Variants in P2RY12 observed in about 807,000 individuals in gnomAD.
The protein encoded by P2RY12 is P2Y purinoceptor 12.
Under a neutral mutation model 4.5 loss-of-function variants are expected in P2RY12, and 3 were observed. The ratio of observed to expected loss-of-function variants is 0.67; its 90% CI spans 0.31 to 1.74. P2RY12 has a LOEUF of 1.74. P2RY12 is among the 40% of genes most tolerant of loss of function. P2RY12 has a pLI of 0.09. For synonymous variants in P2RY12, 148 were observed against 154.1 expected (o/e 0.96, Z 0.29); for missense variants, 356 against 407.8 (o/e 0.87, Z 1.09).
At position 151,338,548 on chromosome 3, in the gene P2RY12, T is replaced by C. The variant is rs752345228; in HGVS notation, c.298A>G (p.Thr100Ala). The part of the protein sequence containing the change: ...GPLRTFVCQV[T>A]SVIFYFTMYI... ...ATTGTGAAATAAAATATGACGGAGG[T>C]AACTTGACACACAAAAGTTCTCAGT... Residue 100 changes from threonine (T) to alanine (A), a missense_variant, in exon 3 of 3, where the codon ACC becomes GCC. By Grantham distance (58) the Thr-to-Ala change is moderately conservative. Coordinates refer to ENST00000302632, the MANE Select transcript of P2RY12 (RefSeq NM_022788.5). 6.2e-7 allele frequency: 1 copy of C among 1,613,968 alleles called. No homozygotes were observed. Among genetic ancestry groups the C allele is most frequent in the Non-Finnish European group, 8.5e-7 (1 of 1,179,972 alleles).
intron 1 of P2RY12, 60 bp from the exon 2 acceptor site, chr3:151,340,820 A>T (rs1751717294): frequency 6.6e-6 from 1 of 152,574 alleles, no homozygotes; most frequent in African/African-American, 2.4e-5. Flanking sequence ...GTCTTCAAAC[A>T]CTGGACTCAA....
At chr3:151,378,569 C>A (rs1711640577) in intron 1 of P2RY12, among the ~76,000 whole-genome samples, 1 of 151,892 alleles carries the variant, frequency 6.6e-6, no homozygotes, top group Admixed American at 6.6e-5. Context: ...GGTGTCTGAA[C>A]TAGTTGCTCA....
chr3:151,368,747 T>G (rs535228149), intron 1 of P2RY12, among the ~76,000 whole-genome samples: 8 of 134,036 alleles, frequency 6.0e-5, no homozygotes, highest in East Asian at 4.5e-4. Context: ...TTCATTTCAT[T>G]TCATGTCATT....
chr3:151,341,874 A>G (rs987197577), intron 1 of P2RY12, among the ~76,000 whole-genome samples: 2 of 151,992 alleles, frequency 1.3e-5, no homozygotes, highest in African/African-American at 4.8e-5. Context: ...GATGATTTCT[A>G]ATTTCATCCA....
At chr3:151,355,855 A>G in intron 1 of P2RY12, 2 of 1,528,642 alleles carry the variant, frequency 1.3e-6, no homozygotes, top group Non-Finnish European at 1.8e-6. Flanking sequence ...AAGATTATTT[A>G]GAATATTGGT....
At position 151,337,189 on chromosome 3, in the gene P2RY12, T is replaced by C. The variant is rs1262369173; in HGVS notation, c.*628A>G. On this transcript the variant is annotated 3_prime_UTR_variant, in exon 3 of 3. Coordinates refer to ENST00000302632, the MANE Select transcript of P2RY12 (RefSeq NM_022788.5). ...TGACTTCGATATTTCTTCTCTTTAT[T>C]GTAAAGGTCTTCTTTAAATCTTTAT... 6 of 152,184 alleles carry C rather than the reference T, an allele frequency of 3.9e-5. No homozygotes were observed. Among genetic ancestry groups the C allele is most frequent in the Non-Finnish European group, 8.8e-5 (6 of 68,046 alleles). The allele number at this position is 152,184 out of a possible 1,614,324, so 9.4% of individuals were successfully genotyped here. A position where few individuals can be genotyped will look rare whatever the true frequency, so the allele number is the denominator to read the frequency against.
At chr3:151,369,414 T>TA (rs766233345) in intron 1 of P2RY12, 1 of 1,501,616 alleles carries the variant, frequency 6.7e-7, no homozygotes, top group East Asian at 2.3e-5. Flanking sequence ...ATGAGACTAT[T>TA]AAAGATTTGT....
chr3:151,355,924 C>G (rs142400505), intron 1 of P2RY12: 3 of 1,613,718 alleles, frequency 1.9e-6, no homozygotes, highest in Non-Finnish European at 2.5e-6. Flanking sequence ...GAACAAATCA[C>G]AAGCTTTGCG....
rs919151895 is a variant in P2RY12 at position 151,337,568 on chromosome 3, A to G, written c.*249T>C. 62 of 440,616 alleles carry G rather than the reference A, an allele frequency of 1.4e-4. 1 individual carries two copies. The highest frequency in any genetic ancestry group is 9.0e-4 in the African/African-American group (45 of 50,116). The allele number at this position is 440,616 out of a possible 1,614,324, so 27.3% of individuals were successfully genotyped here. On this transcript the variant is annotated 3_prime_UTR_variant, in exon 3 of 3. Coordinates refer to ENST00000302632, the MANE Select transcript of P2RY12 (RefSeq NM_022788.5). ...AAACATGAATTCTGTGTAGTTTTGC[A>G]TGCAGCATGACAATTGGATGTCGTT...
chr3:151,375,970 C>CATATATATATGTATAT, intron 1 of P2RY12: 1 of 811,842 alleles, frequency 1.2e-6, no homozygotes, highest in Non-Finnish European at 1.8e-6. Flanking sequence ...GTACATATTG[C>CATATATATATGTATAT]ATATATATAT....
chr3:151,346,147 C>T (rs1172262753), intron 1 of P2RY12, among the ~76,000 whole-genome samples: 9 of 152,152 alleles, frequency 5.9e-5, no homozygotes, highest in Admixed American at 2.0e-4. Flanking sequence ...GTCTTCTTCA[C>T]CTCAAAATGT....
chr3:151,376,909 A>G (rs1490750474), intron 1 of P2RY12: 21 of 1,612,408 alleles, frequency 1.3e-5, no homozygotes, highest in Admixed American at 1.7e-5. Flanking sequence ...TCTGTATGAA[A>G]TTTTATAAAA....
chr3:151,359,744 A>G (rs143771016), intron 1 of P2RY12, among the ~76,000 whole-genome samples: 40 of 152,280 alleles, frequency 2.6e-4, no homozygotes, highest in African/African-American at 8.9e-4. Context: ...TTAGTGTAAT[A>G]TAATGGCTGA....
At position 151,338,806 on chromosome 3, in the gene P2RY12, T is replaced by C. The variant is rs1456773476; in HGVS notation, c.40A>G (p.Thr14Ala). 1.9e-6 allele frequency: 3 copies of C among 1,613,796 alleles called. No individual in the cohort carries two copies. Among genetic ancestry groups the C allele is most frequent in the Middle Eastern group, 1.6e-4 (1 of 6,082 alleles). Reference sequence around the variant, plus strand: ...TTGTAGTCTCTGGTGCACAGACTGGTGTTACCAGGCGCAGAGGTGAGGTTG... The same window carrying C: ...TTGTAGTCTCTGGTGCACAGACTGGCGTTACCAGGCGCAGAGGTGAGGTTG... ...VDNLTSAPGN[T>A]SLCTRDYKIT... is the part of the protein sequence containing the mutation. Residue 14 changes from threonine (T) to alanine (A), a missense_variant, in exon 3 of 3, where the codon ACC (threonine) becomes GCC (alanine). Thr to Ala is a moderately conservative substitution (Grantham distance 58). Transcript: ENST00000302632.
chr3:151,361,609 A>G (rs928275132), intron 1 of P2RY12, among the ~76,000 whole-genome samples: 4 of 152,126 alleles, frequency 2.6e-5, no homozygotes, highest in Admixed American at 6.6e-5. Flanking sequence ...TTGTATTTTT[A>G]TAAATATTTT....
intron 2 of P2RY12, among the ~76,000 whole-genome samples, chr3:151,339,305 A>G (rs1175372027): frequency 6.6e-6 from 1 of 152,050 alleles, no homozygotes; most frequent in Non-Finnish European, 1.5e-5. Flanking sequence ...TTACTGTAGT[A>G]CCGTCAAAAC....
chr3:151,384,446 T>G (rs1274631403), intron 1 of P2RY12, among the ~76,000 whole-genome samples: 1 of 152,248 alleles, frequency 6.6e-6, no homozygotes, highest in Non-Finnish European at 1.5e-5. Context: ...GTTTAATTTT[T>G]TAAAGAACTT....
chr3:151,364,408 C>T (rs1755026153), intron 1 of P2RY12, among the ~76,000 whole-genome samples: 1 of 152,058 alleles, frequency 6.6e-6, no homozygotes, highest in Non-Finnish European at 1.5e-5. Flanking sequence ...TTTTCACTTC[C>T]ATAGAATTTG....
At chr3:151,382,144 CT>C (rs1712477328) in intron 1 of P2RY12, among the ~76,000 whole-genome samples, 1 of 152,102 alleles carries the variant, frequency 6.6e-6, no homozygotes, top group African/African-American at 2.4e-5. Context: ...AGCCACTTGG[CT>C]GATGTCTGCA....
Sources: gnomAD v4.1 joint callset for allele counts (sites outside exome capture counted in the v4.1 genomes callset) on GRCh38, gnomAD v4.1.1 for gene constraint, MANE v1.5 for transcripts, NCBI Gene and HGNC (gene_info 2026-07-23, HGNC 2026-07-21) for gene names.